Variants in DENND1A observed in about 807,000 individuals in gnomAD.
The protein encoded by DENND1A is DENN domain containing 1A.
In DENND1A, 51 loss-of-function variants were observed where a neutral mutation model predicts 113.7. That is an observed-to-expected ratio of 0.45 (90% CI 0.36 to 0.57). The LOEUF is 0.57. Among genes scored for constraint, DENND1A ranks in the 20% least tolerant of loss-of-function variants. The pLI, the probability that DENND1A is intolerant of heterozygous loss-of-function variation, is 0.00. For missense variants in DENND1A, 1,258 were observed against 1,395.9 expected (o/e 0.90, Z 1.57); for synonymous variants, 565 against 570.8 (o/e 0.99, Z 0.14).
intron 5 of DENND1A, among the ~76,000 whole-genome samples, chr9:123,716,929 G>A (rs956308094): frequency 5.9e-5 from 9 of 152,192 alleles, no homozygotes; most frequent in Admixed American, 2.0e-4. Context: ...CACATGAACC[G>A]TTAAGTGCAA....
intron 1 of DENND1A, among the ~76,000 whole-genome samples, chr9:123,880,314 T>C (rs1254378463): frequency 2.0e-5 from 3 of 152,286 alleles, no homozygotes; most frequent in Non-Finnish European, 4.4e-5. Flanking sequence ...AGTTCATAAA[T>C]TTTTAAAAGA....
At chr9:123,877,667 A>G (rs1847703463) in intron 2 of DENND1A, among the ~76,000 whole-genome samples, 1 of 151,346 alleles carries the variant, frequency 6.6e-6, no homozygotes. Flanking sequence ...TACTAAAAAT[A>G]TAAAAGTTAG....
At chr9:123,655,173 T>C (rs1253333639) in intron 8 of DENND1A, among the ~76,000 whole-genome samples, 1 of 152,210 alleles carries the variant, frequency 6.6e-6, no homozygotes, top group Non-Finnish European at 1.5e-5. Context: ...AATTCATTTG[T>C]CAAGTTCTCC....
chr9:123,493,302 AC>A (rs965014861), intron 13 of DENND1A: 2 of 152,234 alleles, frequency 1.3e-5, no homozygotes, highest in Non-Finnish European at 2.9e-5. Flanking sequence ...TCTGTGGGCA[AC>A]CAGGGAGGTT....
chr9:123,679,671 C>T (rs898969436), intron 5 of DENND1A, among the ~76,000 whole-genome samples: 8 of 152,168 alleles, frequency 5.3e-5, no homozygotes, highest in African/African-American at 1.7e-4. Flanking sequence ...GGGTTCACAG[C>T]GGAGCTCTAT....
chr9:123,757,681 C>T lies in DENND1A; in HGVS notation c.302+22G>A, dbSNP rs575328455. 57 of 1,609,436 alleles carry T rather than the reference C, an allele frequency of 3.5e-5. 1 individual carries two copies. In the South Asian group the frequency reaches 6.2e-4, roughly 17 times the overall value. On this transcript the variant is annotated intron_variant, in intron 5 of 23. Coordinates refer to ENST00000394215, the MANE Select transcript of DENND1A (RefSeq NM_001352964.2). ...GACATTGCTTCAGAGAACAAGCCAA[C>T]AGCCCAAGCCTTCTCCCTTACCTTA...
intron 2 of DENND1A, among the ~76,000 whole-genome samples, chr9:123,878,007 G>A (rs764790390): frequency 2.6e-5 from 4 of 151,138 alleles, no homozygotes; most frequent in Non-Finnish European, 4.4e-5. Context: ...TGCCTTCTCC[G>A]TGCCTGACCA....
At position 123,422,186 on chromosome 9, in the gene DENND1A, G is replaced by C. The variant is rs966930350; in HGVS notation, c.1489-10357C>G. On this transcript the variant is annotated intron_variant, in intron 19 of 23. Coordinates refer to ENST00000394215, the MANE Select transcript of DENND1A (RefSeq NM_001352964.2). The surrounding 1 kb of genome is among the most constrained non-coding windows in gnomAD (Gnocchi z 4.8). ...CAAGTTAAAGTAAATGGCTGCCCAA[G>C]AGTGGGGAACTAGCATCAAATTATC... Among the ~76,000 whole-genome samples, 1 of 152,226 alleles carries C rather than the reference G, an allele frequency of 6.6e-6. No homozygotes were observed. Among genetic ancestry groups the C allele is most frequent in the South Asian group, 2.1e-4 (1 of 4,834 alleles).
At chr9:123,760,059 C>T (rs936248513) in intron 4 of DENND1A, among the ~76,000 whole-genome samples, 5 of 152,086 alleles carry the variant, frequency 3.3e-5, no homozygotes, top group South Asian at 4.1e-4. Context: ...TTTATATTAA[C>T]GTAATATGCT....
At chr9:123,794,816 G>A (rs1833526119) in intron 2 of DENND1A, among the ~76,000 whole-genome samples, 1 of 151,690 alleles carries the variant, frequency 6.6e-6, no homozygotes, top group Non-Finnish European at 1.5e-5. Context: ...AAAAAGCATG[G>A]GAAAATTAAT....
intron 2 of DENND1A, among the ~76,000 whole-genome samples, chr9:123,861,777 T>G (rs572785863): frequency 2.0e-5 from 3 of 152,290 alleles, no homozygotes; most frequent in African/African-American, 7.2e-5. Context: ...AAGAGGGGTT[T>G]TCTTGTAAAG....
intron 13 of DENND1A, among the ~76,000 whole-genome samples, chr9:123,544,517 G>T (rs1195865041): frequency 6.6e-6 from 1 of 152,168 alleles, no homozygotes; most frequent in African/African-American, 2.4e-5. Flanking sequence ...AATCACCATT[G>T]TGGAGTGCAG....
At chr9:123,874,836 C>G (rs186674666) in intron 2 of DENND1A, among the ~76,000 whole-genome samples, 16 of 152,260 alleles carry the variant, frequency 1.1e-4, no homozygotes, top group Admixed American at 7.8e-4. Context: ...GGTGGGAGTA[C>G]AGACTGGCAC....
intron 2 of DENND1A, among the ~76,000 whole-genome samples, chr9:123,797,938 A>G (rs1474028561): frequency 6.6e-6 from 1 of 152,178 alleles, no homozygotes; most frequent in African/African-American, 2.4e-5. Context: ...TAATTCATAA[A>G]TTAGAAAAAA....
intron 1 of DENND1A, among the ~76,000 whole-genome samples, chr9:123,914,598 G>C (rs1854733055): frequency 6.7e-6 from 1 of 148,760 alleles, no homozygotes; most frequent in African/African-American, 2.5e-5. Flanking sequence ...ATAAAGAAAA[G>C]AGGTTTAATT....
intron 2 of DENND1A, among the ~76,000 whole-genome samples, chr9:123,809,988 A>G (rs988290590): frequency 3.3e-5 from 5 of 152,166 alleles, no homozygotes; most frequent in African/African-American, 1.2e-4. Flanking sequence ...TGAGAATTTT[A>G]AAGGCTCCTT....
At chr9:123,570,240 G>A (rs1420542452) in intron 12 of DENND1A, among the ~76,000 whole-genome samples, 3 of 152,158 alleles carry the variant, frequency 2.0e-5, no homozygotes, top group Non-Finnish European at 4.4e-5. Flanking sequence ...CATACCTGAA[G>A]TGGCTATAGA....
rs568404390 is a variant in DENND1A at position 123,495,687 on chromosome 9, A to G, written c.994-37790T>C. ...TAGATTCTTTTAAAGACAAGCAAGA[A>G]TCCTGCTGTTACAGACTCCTCCAGT... On this transcript the variant is annotated intron_variant, in intron 13 of 23. Coordinates refer to ENST00000394215, the MANE Select transcript of DENND1A (RefSeq NM_001352964.2). 6.4e-4 allele frequency among the ~76,000 whole-genome samples: 98 copies of G among 152,344 alleles called. 1 individual carries two copies. The South Asian group carries it at 0.012, about 19-fold the overall frequency.
intron 13 of DENND1A, among the ~76,000 whole-genome samples, chr9:123,514,065 G>GGTGTGTGTGTGTGTGTGTGTGTGTGT (rs775882728): frequency 1.8e-5 from 2 of 109,178 alleles, no homozygotes; most frequent in Admixed American, 2.0e-4. Context: ...TCTATTTTGA[G>GGTGTGTGTGTGTGTGTGTGTGTGTGT]GTGTGTGTGT....
Sources: allele counts gnomAD v4.1 joint callset (sites outside exome capture counted in the v4.1 genomes callset), GRCh38; gene constraint gnomAD v4.1.1; non-coding constraint Gnocchi (gnomAD v3.1); transcripts MANE v1.5; gene names NCBI Gene and HGNC (gene_info 2026-07-23, HGNC 2026-07-21).